Variants in EIF3B observed in about 807,000 individuals in gnomAD.
The protein encoded by EIF3B is eukaryotic translation initiation factor 3 subunit 9.
A neutral mutation model predicts 104.6 loss-of-function variants in EIF3B; 10 were observed. That is an observed-to-expected ratio of 0.10 (90% CI 0.06 to 0.16). The LOEUF (loss-of-function observed/expected upper bound fraction) is 0.16, where lower values mean the gene tolerates loss of function less well. Ranked by LOEUF, EIF3B falls within the 10% of genes least tolerant of loss-of-function variation. The pLI is 1.00. For synonymous variants in EIF3B, 542 were observed against 417.2 expected (o/e 1.30, Z -3.65); for missense variants, 1,014 against 1,087.9 (o/e 0.93, Z 0.96).
At chr7:2,354,793 C>CCCGCCCCGCG (rs1562470023), upstream of EIF3B, 1 of 936,312 alleles carries the variant, frequency 1.1e-6, no homozygotes. Context: ...CCCCCCGCCC[C>CCCGCCCCGCG]GCGGCCTTGG....
intron 16 of EIF3B, 91 bp downstream of exon 16, chr7:2,378,857 G>C: frequency 1.7e-6 from 2 of 1,161,208 alleles, no homozygotes; most frequent in Non-Finnish European, 2.5e-6. Flanking sequence ...TATGTGCTCA[G>C]AGTTGCCTCT....
At position 2,377,028 on chromosome 7, in the gene EIF3B, C is replaced by T. The variant is rs1430660539; in HGVS notation, c.2107C>T (p.Leu703=). 9 of 1,613,690 alleles carry T rather than the reference C, an allele frequency of 5.6e-6. No individual in the cohort carries two copies. Among genetic ancestry groups the T allele is most frequent in the Non-Finnish European group, 7.6e-6 (9 of 1,180,026 alleles). ...CAACAAGGACCGCTTCTGCCAGCTG[C>T]TGTGGCGGCCCCGGCCTCCCACACT... The part of the protein sequence containing the change: ...KNNKDRFCQL[L]WRPRPPTLLS... The change falls in exon 15 of 19, where the codon CTG becomes TTG. Residue 703 remains leucine (L), a synonymous_variant. Coordinates refer to ENST00000360876, the MANE Select transcript of EIF3B (RefSeq NM_001037283.2).
At chr7:2,371,984 C>G in intron 11 of EIF3B, 135 bp downstream of exon 11, 1 of 709,106 alleles carries the variant, frequency 1.4e-6, no homozygotes, top group Non-Finnish European at 2.5e-6. Context: ...ATAGTCATCT[C>G]CAGGTCACAG....
At chr7:2,359,526 C>G (rs12533699) in intron 1 of EIF3B, among the ~76,000 whole-genome samples, 70,692 of 152,116 alleles carry the variant, frequency 0.46, 17,530 homozygotes, top group East Asian at 0.74. Flanking sequence ...CTCTGCGCTT[C>G]TCCTCCATCT....
chr7:2,373,401 G>A (rs1780464027), intron 12 of EIF3B: 1 of 152,592 alleles, frequency 6.6e-6, no homozygotes, highest in Non-Finnish European at 1.5e-5. Flanking sequence ...TCATAGGCGT[G>A]GGGTGTGTGT....
At chr7:2,371,453 C>A (rs946456214) in intron 10 of EIF3B, among the ~76,000 whole-genome samples, 2 of 152,218 alleles carry the variant, frequency 1.3e-5, no homozygotes, top group Admixed American at 1.3e-4. Context: ...TTAGGGCCCT[C>A]AGGACCCTGG....
chr7:2,363,458 G>A (rs1241995477), intron 4 of EIF3B, among the ~76,000 whole-genome samples, 174 bp from the exon 5 acceptor site: 1 of 151,902 alleles, frequency 6.6e-6, no homozygotes, highest in Non-Finnish European at 1.5e-5. Context: ...GGGCAACAGC[G>A]TGACTCTGTC....
chr7:2,364,810 C>T (rs1779915207), intron 6 of EIF3B, among the ~76,000 whole-genome samples: 1 of 152,154 alleles, frequency 6.6e-6, no homozygotes, highest in East Asian at 1.9e-4. Context: ...GTTAGTGTGA[C>T]CATAGTGTGG....
At chr7:2,359,303 C>T (rs1779614888) in intron 1 of EIF3B, among the ~76,000 whole-genome samples, 2 of 152,108 alleles carry the variant, frequency 1.3e-5, no homozygotes, top group Admixed American at 6.6e-5. Flanking sequence ...GAACCAACCA[C>T]GTGATTAGAG....
chr7:2,363,780 G>A lies in EIF3B; in HGVS notation c.999+20G>A, dbSNP rs1286462976. ...AGAGCGGTGTGTATTTGCTGCTGCT[G>A]GGGGCGGGGACTCACCTCTCCTGTA... On this transcript the variant is annotated intron_variant, in intron 5 of 18. Coordinates refer to ENST00000360876, the MANE Select transcript of EIF3B (RefSeq NM_001037283.2). 3.1e-6 allele frequency: 5 copies of A among 1,610,338 alleles called. No homozygotes were observed. The African/African-American group carries it at 6.7e-5, about 22-fold the overall frequency.
chr7:2,358,651 C>T (rs538093487), intron 1 of EIF3B, among the ~76,000 whole-genome samples: 4 of 152,210 alleles, frequency 2.6e-5, no homozygotes, highest in African/African-American at 7.2e-5. Flanking sequence ...CCCAGCCTCT[C>T]CAGTAGCTGG....
In EIF3B at chr7:2,379,967, C is replaced by T. The variant is rs77523895; in HGVS notation, c.*15-237C>T. 547 of 247,228 alleles carry T rather than the reference C, an allele frequency of 2.2e-3. 2 individuals carry two copies. Among genetic ancestry groups the T allele is most frequent in the African/African-American group, 0.011 (497 of 43,826 alleles). The allele number at this position is 247,228 out of a possible 1,614,324, so 15.3% of individuals were successfully genotyped here. A position where few individuals can be genotyped will look rare whatever the true frequency, so the allele number is the denominator to read the frequency against. ...AGCTCCTGAGTCCTGGGGGCCTCCG[C>T]GCCTCACAGCATGGGCACATGTGGG... On this transcript the variant is annotated intron_variant, in intron 18 of 18. Coordinates refer to ENST00000360876, the MANE Select transcript of EIF3B (RefSeq NM_001037283.2).
intron 13 of EIF3B, 58 bp downstream of exon 13, chr7:2,374,664 G>T: frequency 1.3e-6 from 2 of 1,513,534 alleles, no homozygotes; most frequent in South Asian, 2.3e-5. Flanking sequence ...CTGTGGCAGA[G>T]ACCCCTCAGG....
intron 6 of EIF3B, among the ~76,000 whole-genome samples, chr7:2,365,669 TTGTTTGTTTTG>T (rs1779974481): frequency 9.6e-6 from 1 of 104,244 alleles, no homozygotes; most frequent in Non-Finnish European, 1.8e-5. Flanking sequence ...GTTTGTTTGT[TTGTTTGTTTTG>T]TTTTTTTTTT....
chr7:2,366,479 C>G (rs766156242), intron 7 of EIF3B, 31 bp downstream of exon 7: 3 of 1,614,014 alleles, frequency 1.9e-6, no homozygotes, highest in East Asian at 2.2e-5. Flanking sequence ...AGCTCTGTAG[C>G]CTTTGTCTTT....
At chr7:2,364,904 C>G (rs76560341) in intron 6 of EIF3B, among the ~76,000 whole-genome samples, 8 of 152,202 alleles carry the variant, frequency 5.3e-5, no homozygotes, top group African/African-American at 1.7e-4. Context: ...TAATAATGTT[C>G]TGTATAATAC....
rs371972825 is a variant in EIF3B, at chr7:2,379,503, A to G, written c.*6A>G. ...CCCTCGGGAATCAGGAGTGACCTGG[A>G]GCACTGTGGTGAGCGTCTGCAGGGG... is the stretch of plus-strand genomic sequence containing the variant. On this transcript the variant is annotated 3_prime_UTR_variant, in exon 18 of 19. Coordinates refer to ENST00000360876, the MANE Select transcript of EIF3B (RefSeq NM_001037283.2). 83 of 1,563,534 alleles carry G rather than the reference A, an allele frequency of 5.3e-5. No homozygotes were observed. The African/African-American group carries it at 9.1e-4, about 17-fold the overall frequency.
At chr7:2,363,205 C>A in intron 4 of EIF3B, 78 bp downstream of exon 4, 1 of 1,427,606 alleles carries the variant, frequency 7.0e-7, no homozygotes, top group Non-Finnish European at 9.8e-7. Context: ...GCAATCCCAG[C>A]ACTTAGGGAG....
intron 16 of EIF3B, 54 bp downstream of exon 16, chr7:2,378,820 A>G: frequency 1.3e-6 from 2 of 1,510,544 alleles, no homozygotes; most frequent in East Asian, 4.5e-5. Flanking sequence ...CATCATGGCA[A>G]AGGCGGGGCT....
Sources: allele counts gnomAD v4.1 joint callset (sites outside exome capture counted in the v4.1 genomes callset), GRCh38; gene constraint gnomAD v4.1.1; transcripts MANE v1.5; gene names NCBI Gene and HGNC (gene_info 2026-07-23, HGNC 2026-07-21).